The following THRB variants were observed in gnomAD, a reference collection of about 807,000 sequenced individuals.
THRB encodes thyroid hormone receptor beta.
Under a neutral mutation model 47.8 loss-of-function variants are expected in THRB, and 12 were observed. The observed-to-expected ratio is 0.25, with a 90% confidence interval of 0.16 to 0.41. THRB has a LOEUF of 0.41. THRB is among the 10% of genes least tolerant of loss of function. THRB has a pLI of 1.00. For synonymous variants in THRB, 218 were observed against 212.2 expected, an observed-to-expected ratio of 1.03 and a Z score of -0.24; for missense variants, 348 against 589.2, an observed-to-expected ratio of 0.59 and a Z score of 4.24.
At chr3:24,249,727 A>G (rs965310240) in intron 3 of THRB, among the ~76,000 whole-genome samples, 2 of 146,144 alleles carry the variant, frequency 1.4e-5, no homozygotes, top group African/African-American at 2.7e-5. Flanking sequence ...GAAAGAATAT[A>G]GAACTCAACA....
intron 1 of THRB, among the ~76,000 whole-genome samples, chr3:24,481,971 C>A (rs1195107714): frequency 6.6e-6 from 1 of 152,070 alleles, no homozygotes; most frequent in Non-Finnish European, 1.5e-5. Flanking sequence ...GACCACAGAA[C>A]ACACATCTTT....
chr3:24,228,199 A>G (rs826218), intron 4 of THRB, among the ~76,000 whole-genome samples: 99,544 of 151,908 alleles, frequency 0.66, 32,980 homozygotes, highest in East Asian at 0.85. Context: ...TGGTGTTATC[A>G]GCCTATTCCC....
intron 3 of THRB, among the ~76,000 whole-genome samples, chr3:24,272,217 G>A (rs1022406032): frequency 7.2e-5 from 11 of 151,978 alleles, no homozygotes; most frequent in Non-Finnish European, 1.2e-4. Flanking sequence ...GTGGTGGCCC[G>A]CACTTGTGGT....
chr3:24,396,152 CAT>C (rs144748405), intron 1 of THRB, among the ~76,000 whole-genome samples: 84 of 148,620 alleles, frequency 5.7e-4, no homozygotes, highest in Non-Finnish European at 6.7e-4. Context: ...CTCCACAAGG[CAT>C]ATATATATAT....
At chr3:24,357,167 G>A (rs1182635306) in intron 1 of THRB, among the ~76,000 whole-genome samples, 3 of 147,072 alleles carry the variant, frequency 2.0e-5, no homozygotes, top group African/African-American at 7.5e-5. Context: ...GTTTTTTTTT[G>A]TCCCCCAAAA....
intron 2 of THRB, among the ~76,000 whole-genome samples, chr3:24,327,202 G>C (rs2061653730): frequency 6.6e-6 from 1 of 152,202 alleles, no homozygotes. Context: ...GATTTTGTGA[G>C]AGAGATGAAC....
intron 1 of THRB, among the ~76,000 whole-genome samples, chr3:24,440,086 C>T (rs1371800035): frequency 6.6e-6 from 1 of 152,178 alleles, no homozygotes; most frequent in Non-Finnish European, 1.5e-5. Context: ...TCGTAAATAA[C>T]AAATCTATAT....
intron 1 of THRB, among the ~76,000 whole-genome samples, chr3:24,391,703 T>C (rs2066581190): frequency 6.6e-6 from 1 of 152,178 alleles, no homozygotes; most frequent in Admixed American, 6.6e-5. Flanking sequence ...TTGGGTCAGC[T>C]GGTCCGTCCT....
chr3:24,356,305 C>A (rs753423877), intron 1 of THRB, among the ~76,000 whole-genome samples: 1 of 152,100 alleles, frequency 6.6e-6, no homozygotes, highest in African/African-American at 2.4e-5. Context: ...AAGGTTCCAC[C>A]GGACAGTCCT....
At chr3:24,133,189 A>T in intron 9 of THRB, 127 bp downstream of exon 9, 1 of 1,062,162 alleles carries the variant, frequency 9.4e-7, no homozygotes, top group Non-Finnish European at 1.4e-6. Flanking sequence ...TTCGTTTTGT[A>T]CTGACGTTGC....
rs1190515272 is a variant in THRB at position 24,279,533 on chromosome 3, C to T, written c.-43+17693G>A. The stretch of plus-strand genomic sequence containing the variant: ...CCGAGTAGCTGGGACTACAGGCGCC[C>T]GCCACCACGGCTGGCTAATTTTTTT... On this transcript the variant is annotated intron_variant, in intron 3 of 10. Transcript: ENST00000646209. 6.0e-5 allele frequency among the ~76,000 whole-genome samples: 9 copies of T among 151,138 alleles called. No individual in the cohort carries two copies. In the South Asian group the frequency reaches 8.4e-4, roughly 14 times the overall value.
chr3:24,360,522 C>T (rs1191140549), intron 1 of THRB, among the ~76,000 whole-genome samples: 2 of 152,096 alleles, frequency 1.3e-5, no homozygotes, highest in Non-Finnish European at 2.9e-5. Flanking sequence ...CACTGGAATC[C>T]CATGGAGAAC....
intron 3 of THRB, among the ~76,000 whole-genome samples, chr3:24,256,073 T>A (rs2051248475): frequency 6.6e-6 from 1 of 151,656 alleles, no homozygotes; most frequent in Non-Finnish European, 1.5e-5. Context: ...AGTGAGAGAG[T>A]CTGAGGATCA....
Position 24,371,264 on chromosome 3 carries a change from T to A in THRB, c.-260-33893A>T, listed in dbSNP as rs376629474. ...GTCCTTTGCAATACTTATGAAGATA[T>A]TTTTACCCAAGAATTCTAGAACCTA... On this transcript the variant is annotated intron_variant, in intron 1 of 10. Coordinates refer to ENST00000646209, the MANE Select transcript of THRB (RefSeq NM_001354712.2). Among the ~76,000 whole-genome samples the A allele has an allele frequency of 3.0e-3, 459 of 152,168 alleles. 4 individuals carry two copies. The highest frequency in any genetic ancestry group is 0.01 in the African/African-American group (434 of 41,526).
chr3:24,251,107 T>C (rs2050623896), intron 3 of THRB, among the ~76,000 whole-genome samples: 2 of 152,136 alleles, frequency 1.3e-5, no homozygotes, highest in African/African-American at 4.8e-5. Flanking sequence ...AAACAACTCT[T>C]TGTCAAAGAG....
intron 3 of THRB, among the ~76,000 whole-genome samples, chr3:24,295,225 C>T (rs2056343250): frequency 6.6e-6 from 1 of 152,154 alleles, no homozygotes; most frequent in Admixed American, 6.5e-5. Context: ...AAACATTTCA[C>T]AACATTTGGA....
At chr3:24,175,924 CCCT>C (rs1488732460) in intron 5 of THRB, among the ~76,000 whole-genome samples, 1 of 152,058 alleles carries the variant, frequency 6.6e-6, no homozygotes, top group East Asian at 1.9e-4. Flanking sequence ...GAAATTTAGG[CCCT>C]CAAGTTACTA....
chr3:24,251,935 G>A (rs1382561987), intron 3 of THRB, among the ~76,000 whole-genome samples: 1 of 151,892 alleles, frequency 6.6e-6, no homozygotes, highest in Non-Finnish European at 1.5e-5. Flanking sequence ...AATGACTCTT[G>A]GAAAAATTAG....
At chr3:24,401,738 C>T (rs373195335) in intron 1 of THRB, among the ~76,000 whole-genome samples, 20 of 151,968 alleles carry the variant, frequency 1.3e-4, no homozygotes, top group African/African-American at 4.3e-4. Flanking sequence ...TCAGTGTGGT[C>T]CCTGGACCAG....
Sources: gnomAD v4.1 joint callset for allele counts (sites outside exome capture counted in the v4.1 genomes callset) on GRCh38, gnomAD v4.1.1 for gene constraint, MANE v1.5 for transcripts, NCBI Gene and HGNC (gene_info 2026-07-23, HGNC 2026-07-21) for gene names.